ELOVL7: variants seen among roughly 807,000 people sequenced by gnomAD.
ELOVL7 encodes very long chain fatty acid elongase 7.
Under a neutral mutation model 35.7 loss-of-function variants are expected in ELOVL7, and 27 were observed. The observed-to-expected ratio is 0.76, with a 90% CI of 0.56 to 1.04. The LOEUF (loss-of-function observed/expected upper bound fraction) is 1.04. Ranked by LOEUF, ELOVL7 falls within the 50% of genes least tolerant of loss-of-function variation. The pLI, the probability that ELOVL7 is intolerant of heterozygous loss-of-function variation, is 0.00. For synonymous variants in ELOVL7, 113 were observed against 114.6 expected (o/e 0.99, Z 0.09); for missense variants, 327 against 340.8 (o/e 0.96, Z 0.32).
In ELOVL7 at chr5:60,753,037, G is replaced by C. The variant is rs1741350674; in HGVS notation, c.*1587C>G. The C allele has an allele frequency of 6.6e-6, 1 of 151,760 alleles. No homozygotes were observed. Among genetic ancestry groups the C allele is most frequent in the Non-Finnish European group, 1.5e-5 (1 of 67,976 alleles). The allele number at this position is 151,760 out of a possible 1,614,324, so 9.4% of individuals were successfully genotyped here. ...GCTGTAATCAAGTAAAATCACAAAA[G>C]ATCACTTAAAGGCAAATAACCTTAT... is the stretch of plus-strand genomic sequence containing the variant. On this transcript the variant is annotated 3_prime_UTR_variant, in exon 9 of 9. Transcript: ENST00000508821.
intron 3 of ELOVL7, among the ~76,000 whole-genome samples, chr5:60,774,177 CCAA>C (rs1033854271): frequency 1.4e-4 from 22 of 151,998 alleles, no homozygotes; most frequent in Non-Finnish European, 2.1e-4. Flanking sequence ...CAAAGACACA[CCAA>C]CAACAACAAC....
In ELOVL7 at chr5:60,767,219, C is replaced by T. The variant is rs148950459; in HGVS notation, c.337-589G>A. On this transcript the variant is annotated intron_variant, in intron 5 of 8. Transcript: ENST00000508821. ...AAGCGATTTTCCTGCCTCACCCTCC[C>T]GAGTAGCTGGGACTACAGGCCCATG... Among the ~76,000 whole-genome samples the T allele has an allele frequency of 2.3e-3, 350 of 152,248 alleles. 1 individual carries two copies. The highest frequency in any genetic ancestry group is 8.0e-3 in the African/African-American group (334 of 41,552).
chr5:60,839,234 G>A (rs1210545790), intron 1 of ELOVL7, among the ~76,000 whole-genome samples: 4 of 151,938 alleles, frequency 2.6e-5, no homozygotes. Context: ...TGTAGTCCCA[G>A]CTACTCAGGA....
intron 1 of ELOVL7, among the ~76,000 whole-genome samples, chr5:60,834,634 C>A (rs1486657046): frequency 6.6e-6 from 1 of 151,900 alleles, no homozygotes; most frequent in Non-Finnish European, 1.5e-5. Flanking sequence ...GAGATCCTGT[C>A]TCTCAAAAAA....
intron 4 of ELOVL7, among the ~76,000 whole-genome samples, chr5:60,770,114 G>T (rs4541610): frequency 0.19 from 28,803 of 151,570 alleles, 4,999 homozygotes; most frequent in African/African-American, 0.46. Context: ...TTGGCAGGTA[G>T]TTCCTGAAAC....
chr5:60,774,465 C>T (rs1281299530), intron 3 of ELOVL7, among the ~76,000 whole-genome samples: 6 of 152,016 alleles, frequency 3.9e-5, no homozygotes, highest in Non-Finnish European at 8.8e-5. Flanking sequence ...ATGATAAAAA[C>T]CCTCAACAAA....
intron 1 of ELOVL7, among the ~76,000 whole-genome samples, chr5:60,814,478 G>A (rs1208719279): frequency 6.6e-6 from 1 of 152,108 alleles, no homozygotes; most frequent in African/African-American, 2.4e-5. Flanking sequence ...ACTTCTTGAG[G>A]CAAGGGAGTA....
chr5:60,754,761 C>T lies in ELOVL7; in HGVS notation c.709G>A (p.Val237Ile). 1 of 1,614,040 alleles carries T rather than the reference C, an allele frequency of 6.2e-7. No individual in the cohort carries two copies. Among genetic ancestry groups the T allele is most frequent in the South Asian group, 1.1e-5 (1 of 91,084 alleles). ...FMEDCKYQFPVFACIIMSYSF... is the reference protein window; with the variant it reads ...FMEDCKYQFPIFACIIMSYSF... Reference sequence around the variant, plus strand: ...TAACTCATAATGATGCACGCAAAGACTGGAAACTGATACTTGCAATCCTCC... The same window carrying T: ...TAACTCATAATGATGCACGCAAAGATTGGAAACTGATACTTGCAATCCTCC... Residue 237 changes from valine to isoleucine, a missense_variant, in exon 9 of 9, where the codon GTC (valine) becomes ATC (isoleucine). Val to Ile is a conservative substitution (Grantham distance 29). Coordinates refer to ENST00000508821, the MANE Select transcript of ELOVL7 (RefSeq NM_024930.3).
intron 1 of ELOVL7, among the ~76,000 whole-genome samples, chr5:60,800,234 G>A (rs1182260031): frequency 6.6e-6 from 1 of 151,954 alleles, no homozygotes; most frequent in African/African-American, 2.4e-5. Context: ...AAATCCTCAA[G>A]ATAATACAAG....
At chr5:60,775,258 T>A (rs999060353) in intron 3 of ELOVL7, among the ~76,000 whole-genome samples, 2 of 151,922 alleles carry the variant, frequency 1.3e-5, no homozygotes, top group Non-Finnish European at 2.9e-5. Flanking sequence ...ATAAAACACA[T>A]AGGAATACAT....
intron 1 of ELOVL7, among the ~76,000 whole-genome samples, chr5:60,826,753 G>A (rs1746194307): frequency 6.6e-6 from 1 of 152,134 alleles, no homozygotes; most frequent in Non-Finnish European, 1.5e-5. Flanking sequence ...CTAAGTGGGT[G>A]GAGATTAAAA....
intron 6 of ELOVL7, among the ~76,000 whole-genome samples, chr5:60,764,690 G>C (rs1742131478): frequency 6.6e-6 from 1 of 152,096 alleles, no homozygotes; most frequent in South Asian, 2.1e-4. Context: ...GAAAGCAGAA[G>C]ACTTATGATT....
chr5:60,824,963 T>TC (rs35886877), intron 1 of ELOVL7, among the ~76,000 whole-genome samples: 30,358 of 151,470 alleles, frequency 0.2, 3,559 homozygotes, highest in Non-Finnish European at 0.27. Context: ...CTCACTTCTT[T>TC]TTTTTTTTTT....
chr5:60,754,849 G>A lies in ELOVL7; in HGVS notation c.637-16C>T, dbSNP rs1436965856. 5 of 1,605,150 alleles carry A rather than the reference G, an allele frequency of 3.1e-6. No homozygotes were observed. Among genetic ancestry groups the A allele is most frequent in the African/African-American group, 2.7e-5 (2 of 74,280 alleles). On this transcript the variant is annotated splice_polypyrimidine_tract_variant and intron_variant, in intron 8 of 8. Coordinates refer to ENST00000508821, the MANE Select transcript of ELOVL7 (RefSeq NM_024930.3). ...CAAACTGGACCTAAGAAATGAAAAC[G>A]TGAAAAAAAATTATTCAGATATGAA...
At chr5:60,786,218 C>A (rs1193544410) in intron 3 of ELOVL7, among the ~76,000 whole-genome samples, 1 of 152,208 alleles carries the variant, frequency 6.6e-6, no homozygotes, top group East Asian at 1.9e-4. Context: ...GAGGCATTAG[C>A]TTCGATGATA....
intron 1 of ELOVL7, among the ~76,000 whole-genome samples, chr5:60,835,921 C>T (rs751796151): frequency 6.6e-6 from 1 of 151,936 alleles, no homozygotes; most frequent in Non-Finnish European, 1.5e-5. Flanking sequence ...TGTTGTTAAG[C>T]CAATAACCCA....
Position 60,772,104 on chromosome 5 carries a change from A to G in ELOVL7, c.65-11T>C. 6.3e-7 allele frequency: 1 copy of G among 1,592,598 alleles called. No individual in the cohort carries two copies. The highest frequency in any genetic ancestry group is 8.6e-7 in the Non-Finnish European group (1 of 1,168,756). On this transcript the variant is annotated splice_polypyrimidine_tract_variant and intron_variant, in intron 3 of 8. Transcript: ENST00000508821. ...CTTCAACTCTTGGATCTAAGAGAAA[A>G]ACAATATGTGAGTACACACCTGCTT...
intron 1 of ELOVL7, among the ~76,000 whole-genome samples, chr5:60,819,057 AGGG>A (rs1173909540): frequency 0.013 from 2 of 150 alleles, no homozygotes; most frequent in Non-Finnish European, 0.016. Context: ...AGGGGAGGGG[AGGG>A]GAGGGGAGGG....
At chr5:60,819,182 C>A (rs912217341) in intron 1 of ELOVL7, among the ~76,000 whole-genome samples, 3 of 148,186 alleles carry the variant, frequency 2.0e-5, no homozygotes, top group South Asian at 2.2e-4. Context: ...AATGAACTGA[C>A]AGAAATCAGG....
Sources: gnomAD v4.1 joint callset for allele counts (sites outside exome capture counted in the v4.1 genomes callset) on GRCh38, gnomAD v4.1.1 for gene constraint, MANE v1.5 for transcripts, NCBI Gene and HGNC (gene_info 2026-07-23, HGNC 2026-07-21) for gene names.